Variants in RBFOX1 observed in about 807,000 individuals in gnomAD.
RBFOX1 encodes the protein RNA binding fox-1 homolog 1.
Under a neutral mutation model 57.7 loss-of-function variants are expected in RBFOX1, and 8 were observed. That is an observed-to-expected ratio of 0.14 (90% CI 0.08 to 0.25). The LOEUF is 0.25. RBFOX1 is among the 10% of genes least tolerant of loss of function. The pLI is 1.00. For synonymous variants in RBFOX1, 326 were observed against 222.4 expected (o/e 1.47, Z -4.15); for missense variants, 611 against 548.5 (o/e 1.11, Z -1.14).
intron 1 of RBFOX1, among the ~76,000 whole-genome samples, chr16:5,333,929 A>C (rs1050518353): frequency 2.6e-5 from 4 of 152,214 alleles, no homozygotes; most frequent in African/African-American, 9.7e-5. Flanking sequence ...AGATGTCTGA[A>C]ACAGCATTAT....
rs139868011 is a variant in RBFOX1 at position 7,059,456 on chromosome 16, A to G, written c.27+7358A>G. On this transcript the variant is annotated intron_variant, in intron 4 of 15. Transcript: ENST00000550418. ...TGCTAGGCAGTAGAGGTATAATAAT[A>G]TACTAAAACTTGCACCACTCTTATT... Among the ~76,000 whole-genome samples, 206 of 152,330 alleles carry G rather than the reference A, an allele frequency of 1.4e-3. 1 individual carries two copies. The highest frequency in any genetic ancestry group is 4.8e-3 in the African/African-American group (201 of 41,556).
intron 3 of RBFOX1, among the ~76,000 whole-genome samples, 194 bp from the exon 4 acceptor site, chr16:7,051,863 C>G (rs1383680594): frequency 6.6e-6 from 1 of 152,220 alleles, no homozygotes; most frequent in East Asian, 1.9e-4. Flanking sequence ...CTTATCCTAG[C>G]TGTGCTTCTG....
At chr16:7,164,389 A>C (rs544666222) in intron 4 of RBFOX1, among the ~76,000 whole-genome samples, 1 of 152,268 alleles carries the variant, frequency 6.6e-6, no homozygotes, top group East Asian at 1.9e-4. Context: ...GGCTGGTTCC[A>C]TATTTTTGCA....
intron 2 of RBFOX1, among the ~76,000 whole-genome samples, chr16:6,323,522 G>A (rs1041331472): frequency 6.6e-6 from 1 of 152,040 alleles, no homozygotes; most frequent in African/African-American, 2.4e-5. Flanking sequence ...ATGAATTTGT[G>A]CTGTGAATGT....
At chr16:5,748,923 C>G (rs1349445620) in intron 3 of RBFOX1, among the ~76,000 whole-genome samples, 3 of 152,122 alleles carry the variant, frequency 2.0e-5, no homozygotes, top group Admixed American at 6.5e-5. Context: ...ATGATGTTAG[C>G]TGGTTATTTT....
chr16:5,687,940 T>C (rs1367527971), intron 3 of RBFOX1, among the ~76,000 whole-genome samples: 2 of 152,132 alleles, frequency 1.3e-5, no homozygotes, highest in Non-Finnish European at 2.9e-5. Flanking sequence ...GTATACTGGG[T>C]TTGTTTTTCT....
chr16:6,981,603 T>C (rs1175249383), intron 3 of RBFOX1, among the ~76,000 whole-genome samples: 1 of 152,174 alleles, frequency 6.6e-6, no homozygotes, highest in Non-Finnish European at 1.5e-5. Context: ...CTCACAGTCA[T>C]GATGGGAGGC....
At chr16:6,805,880 A>G (rs1028672931) in intron 3 of RBFOX1, among the ~76,000 whole-genome samples, 9 of 152,144 alleles carry the variant, frequency 5.9e-5, no homozygotes, top group African/African-American at 2.2e-4. Context: ...TCCAACACGA[A>G]TCACTAGCCT....
chr16:6,585,245 A>G (rs184785586), intron 2 of RBFOX1, among the ~76,000 whole-genome samples: 97 of 152,320 alleles, frequency 6.4e-4, no homozygotes, highest in African/African-American at 1.9e-3. Flanking sequence ...CCTATCTTAC[A>G]GAAGAGGAAA....
At chr16:7,648,528 A>G (rs2064234253) in intron 11 of RBFOX1, among the ~76,000 whole-genome samples, 1 of 152,188 alleles carries the variant, frequency 6.6e-6, no homozygotes, top group South Asian at 2.1e-4. Flanking sequence ...TGACCAGGAA[A>G]ATTCTTCTAA....
intron 1 of RBFOX1, among the ~76,000 whole-genome samples, chr16:6,023,501 A>G (rs1463911582): frequency 6.6e-6 from 1 of 152,134 alleles, no homozygotes; most frequent in African/African-American, 2.4e-5. Flanking sequence ...CAAAAATTAG[A>G]CCATTTCGTT....
intron 3 of RBFOX1, among the ~76,000 whole-genome samples, chr16:5,684,429 A>G (rs2050440429): frequency 6.6e-6 from 1 of 152,128 alleles, no homozygotes; most frequent in Admixed American, 6.5e-5. Context: ...TGACGCCACA[A>G]TGCTCTGCAA....
chr16:7,446,798 ATTTTTTTTTTTTTTT>A (rs34580591), intron 4 of RBFOX1, among the ~76,000 whole-genome samples: 12 of 48,970 alleles, frequency 2.5e-4, no homozygotes, highest in African/African-American at 7.4e-4. Flanking sequence ...AGGTCTAGGT[ATTTTTTTTTTTTTTT>A]TTTTTTTTTT....
At chr16:7,270,966 CATTT>C (rs2095305959) in intron 4 of RBFOX1, among the ~76,000 whole-genome samples, 2 of 152,164 alleles carry the variant, frequency 1.3e-5, no homozygotes, top group South Asian at 4.2e-4. Flanking sequence ...GGTGCTGAGT[CATTT>C]GGAAGACACA....
chr16:5,336,449 G>A (rs1212616962), intron 1 of RBFOX1, among the ~76,000 whole-genome samples: 2 of 152,148 alleles, frequency 1.3e-5, no homozygotes, highest in Admixed American at 6.5e-5. Flanking sequence ...TTCCGTTGCC[G>A]AGGATTGAAT....
chr16:6,842,483 T>G (rs547499073), intron 3 of RBFOX1, among the ~76,000 whole-genome samples: 1 of 152,090 alleles, frequency 6.6e-6, no homozygotes, highest in Non-Finnish European at 1.5e-5. Context: ...TGTGTTTGTT[T>G]AGAAAAACCA....
chr16:6,733,635 G>T (rs928924621), intron 3 of RBFOX1, among the ~76,000 whole-genome samples: 2 of 152,156 alleles, frequency 1.3e-5, no homozygotes, highest in African/African-American at 4.8e-5. Flanking sequence ...GTGTGCACCT[G>T]TAGTCCCAGC....
chr16:7,051,105 C>T (rs370888025), intron 3 of RBFOX1, among the ~76,000 whole-genome samples: 5 of 151,958 alleles, frequency 3.3e-5, no homozygotes, highest in East Asian at 1.9e-4. Context: ...TCCTGGAAGT[C>T]GGGAGTTGTT....
intron 3 of RBFOX1, among the ~76,000 whole-genome samples, chr16:5,839,250 C>G (rs1475299696): frequency 6.6e-6 from 1 of 152,196 alleles, no homozygotes; most frequent in African/African-American, 2.4e-5. Context: ...CTGTTCAATA[C>G]TTATGAGGGA....
Sources: allele counts gnomAD v4.1 joint callset (sites outside exome capture counted in the v4.1 genomes callset), GRCh38; gene constraint gnomAD v4.1.1; transcripts MANE v1.5; gene names NCBI Gene and HGNC (gene_info 2026-07-23, HGNC 2026-07-21).